Variants in LGR4 observed in about 807,000 individuals in gnomAD.
The protein encoded by LGR4 is leucine rich repeat containing G protein-coupled receptor 4.
LGR4 carries 44 observed loss-of-function variants against 84.8 expected under a neutral mutation model. The observed-to-expected ratio is 0.52, with a 90% CI of 0.41 to 0.67. The LOEUF is 0.67. LGR4 is among the 30% of genes least tolerant of loss of function. The probability of loss-of-function intolerance (pLI) is 0.00; values close to 1 mark genes in which losing one functional copy is unlikely to be tolerated. For synonymous variants in LGR4, 429 were observed against 434.3 expected, an observed-to-expected ratio of 0.99 and a Z score of 0.15; for missense variants, 1,032 against 1,131.4, an observed-to-expected ratio of 0.91 and a Z score of 1.26.
intron 1 of LGR4, among the ~76,000 whole-genome samples, chr11:27,449,577 G>C (rs771614503): frequency 6.6e-6 from 1 of 150,440 alleles, no homozygotes; most frequent in Admixed American, 6.6e-5. Context: ...GTGAGATGCT[G>C]TCTCTTAAAA....
At chr11:27,397,948 A>G (rs1205203800) in intron 2 of LGR4, among the ~76,000 whole-genome samples, 3 of 152,228 alleles carry the variant, frequency 2.0e-5, no homozygotes, top group Non-Finnish European at 4.4e-5. Context: ...GCAAAAAGTA[A>G]TCCTCTAGAT....
At chr11:27,377,911 A>T (rs1171383552) in intron 11 of LGR4, among the ~76,000 whole-genome samples, 4 of 152,208 alleles carry the variant, frequency 2.6e-5, no homozygotes, top group Non-Finnish European at 4.4e-5. Context: ...TTTCTGCTCC[A>T]ACTTTTCTAT....
rs901743166 is a variant in LGR4 at position 27,472,782 on chromosome 11, G to A, written c.-480C>T. 3 of 326,050 alleles carry A rather than the reference G, an allele frequency of 9.2e-6. No individual in the cohort carries two copies. The East Asian group carries it at 1.4e-4, about 16-fold the overall frequency. 20.2% of individuals were successfully genotyped at this position (326,050 alleles called of 1,614,324 possible). A position where few individuals can be genotyped will look rare whatever the true frequency, so the allele number is the denominator to read the frequency against. On this transcript the variant is annotated 5_prime_UTR_variant, in exon 1 of 18. Coordinates refer to ENST00000379214, the MANE Select transcript of LGR4 (RefSeq NM_018490.5). Reference sequence around the variant, plus strand: ...TCCCGTCCTTTTCCCTTCTAGGGTTGCACGCTCTGGTTCCCAAACCCCCGG... The same window carrying A: ...TCCCGTCCTTTTCCCTTCTAGGGTTACACGCTCTGGTTCCCAAACCCCCGG...
chr11:27,409,342 A>C (rs1225679892), intron 2 of LGR4, among the ~76,000 whole-genome samples: 1 of 152,116 alleles, frequency 6.6e-6, no homozygotes, highest in Non-Finnish European at 1.5e-5. Context: ...ATGAACTCCA[A>C]TAAGGCCCTT....
intron 1 of LGR4, among the ~76,000 whole-genome samples, chr11:27,425,027 C>T (rs1052099294): frequency 6.6e-6 from 1 of 151,938 alleles, no homozygotes; most frequent in Non-Finnish European, 1.5e-5. Flanking sequence ...GGATTATAGG[C>T]GTGAGACACC....
intron 1 of LGR4, among the ~76,000 whole-genome samples, chr11:27,433,393 ATTTCTTTTTTT>A (rs1029553395): frequency 8.3e-5 from 8 of 96,908 alleles, no homozygotes; most frequent in Non-Finnish European, 1.7e-4. Flanking sequence ...ATTTATTTTT[ATTTCTTTTTTT>A]TTTTTTTTAG....
At chr11:27,452,007 G>C (rs1006596964) in intron 1 of LGR4, among the ~76,000 whole-genome samples, 16 of 152,110 alleles carry the variant, frequency 1.1e-4, no homozygotes, top group African/African-American at 3.9e-4. Context: ...GCATGAAGCT[G>C]GGGGAAAAAA....
At chr11:27,377,268 T>C in intron 11 of LGR4, 45 bp from the exon 12 acceptor site, 5 of 1,007,090 alleles carry the variant, frequency 5.0e-6, no homozygotes, top group Non-Finnish European at 7.7e-6. Flanking sequence ...GTTATCAGAG[T>C]ATTATATTAA....
chr11:27,400,689 G>A (rs779047360), intron 2 of LGR4, among the ~76,000 whole-genome samples: 14 of 152,002 alleles, frequency 9.2e-5, no homozygotes, highest in Non-Finnish European at 1.8e-4. Context: ...TTTTAGTAGA[G>A]ACGGAGTTTC....
chr11:27,368,048 G>C lies in LGR4; in HGVS notation c.2675C>G (p.Pro892Arg). 6.3e-7 allele frequency: 1 copy of C among 1,587,718 alleles called. No homozygotes were observed. Among genetic ancestry groups the C allele is most frequent in the Non-Finnish European group, 8.6e-7 (1 of 1,164,030 alleles). Residue 892 changes from proline (P) to arginine (R), a missense_variant, in exon 18 of 18, where the codon CCT becomes CGT. Pro to Arg is a moderately radical substitution (Grantham distance 103, BLOSUM62 -2). Transcript: ENST00000379214. ...GCCACAGTCGGACCAGTAGCCCTCA[G>C]GTCTTTGGCAAGAAGCCACTGCCAA... ...PALAVASCQR[P>R]EGYWSDCGTQ...
At chr11:27,403,842 AT>A (rs899798102) in intron 2 of LGR4, among the ~76,000 whole-genome samples, 1 of 152,276 alleles carries the variant, frequency 6.6e-6, no homozygotes, top group African/African-American at 2.4e-5. Context: ...TATAACTATG[AT>A]TTTTTTAAAA....
intron 1 of LGR4, among the ~76,000 whole-genome samples, chr11:27,431,752 A>G (rs1864120204): frequency 6.6e-6 from 1 of 152,124 alleles, no homozygotes; most frequent in African/African-American, 2.4e-5. Context: ...CTTCAAGAGC[A>G]CTCCATCCAT....
chr11:27,397,413 G>A (rs187020980), intron 2 of LGR4, among the ~76,000 whole-genome samples: 103 of 152,244 alleles, frequency 6.8e-4, no homozygotes, highest in Non-Finnish European at 7.9e-4. Flanking sequence ...GCAGGGACTA[G>A]GTCATCTTTA....
intron 4 of LGR4, among the ~76,000 whole-genome samples, chr11:27,388,643 T>C (rs1284580454): frequency 6.6e-6 from 1 of 152,176 alleles, no homozygotes; most frequent in Non-Finnish European, 1.5e-5. Flanking sequence ...ATTTCTTGTT[T>C]AAACAAACTA....
At chr11:27,470,801 G>A (rs1482339626) in intron 1 of LGR4, among the ~76,000 whole-genome samples, 2 of 151,532 alleles carry the variant, frequency 1.3e-5, no homozygotes, top group African/African-American at 4.9e-5. Flanking sequence ...GAAGGTAGAA[G>A]AATGAAACAG....
At chr11:27,440,686 T>G (rs1160336466) in intron 1 of LGR4, among the ~76,000 whole-genome samples, 3 of 152,170 alleles carry the variant, frequency 2.0e-5, no homozygotes, top group African/African-American at 7.2e-5. Flanking sequence ...TATTTTTCAC[T>G]AAGAAGTATG....
intron 15 of LGR4, 45 bp downstream of exon 15, chr11:27,373,506 G>A: frequency 6.7e-7 from 1 of 1,482,270 alleles, no homozygotes; most frequent in Non-Finnish European, 9.0e-7. Context: ...TAATTTTGGA[G>A]CCTACCATAA....
chr11:27,414,380 C>A (rs757369025), intron 1 of LGR4, among the ~76,000 whole-genome samples: 38 of 150,250 alleles, frequency 2.5e-4, no homozygotes, highest in Middle Eastern at 3.2e-3. Context: ...AGCACTTTTG[C>A]TTGACAACCG....
At chr11:27,372,441 G>A (rs369810629) in intron 15 of LGR4, 43 bp from the exon 16 acceptor site, 134 of 1,078,638 alleles carry the variant, frequency 1.2e-4, no homozygotes, top group Admixed American at 1.2e-3. Flanking sequence ...CAGCAACTCC[G>A]CAGTTATGGT....
Sources: gnomAD v4.1 joint callset for allele counts (sites outside exome capture counted in the v4.1 genomes callset) on GRCh38, gnomAD v4.1.1 for gene constraint, MANE v1.5 for transcripts, NCBI Gene and HGNC (gene_info 2026-07-23, HGNC 2026-07-21) for gene names.